Variants in MYCT1 observed in about 807,000 individuals in gnomAD.
The protein encoded by MYCT1 is MYC target 1.
MYCT1 carries 12 observed loss-of-function variants against 15.0 expected under a neutral mutation model. The ratio of observed to expected loss-of-function variants is 0.80; its 90% confidence interval spans 0.51 to 1.29. The LOEUF is 1.29. Among genes scored for constraint, MYCT1 ranks in the 50% most tolerant of loss-of-function variants. MYCT1 has a pLI of 0.00. For missense variants in MYCT1, 287 were observed against 279.1 expected (o/e 1.03, Z -0.20); for synonymous variants, 104 against 102.7 (o/e 1.01, Z -0.07).
chr6:152,708,531 AAATC>A (rs1421036708), intron 1 of MYCT1, among the ~76,000 whole-genome samples: 4 of 152,062 alleles, frequency 2.6e-5, no homozygotes, highest in African/African-American at 7.2e-5. Context: ...CTTAAAAACT[AAATC>A]AATCAATCAA....
At chr6:152,729,537 C>A (rs1334846248), downstream of MYCT1, among the ~76,000 whole-genome samples, 1 of 152,140 alleles carries the variant, frequency 6.6e-6, no homozygotes, top group Non-Finnish European at 1.5e-5. Flanking sequence ...TGTCTTATCA[C>A]CAAATCATCG....
At chr6:152,708,420 C>T (rs1354479124) in intron 1 of MYCT1, among the ~76,000 whole-genome samples, 4 of 151,768 alleles carry the variant, frequency 2.6e-5, no homozygotes, top group Non-Finnish European at 5.9e-5. Context: ...TGGTGTGTGC[C>T]TGTAGTCTCA....
At chr6:152,727,517 G>T (rs2099725871), downstream of MYCT1, among the ~76,000 whole-genome samples, 1 of 152,234 alleles carries the variant, frequency 6.6e-6, no homozygotes, top group Admixed American at 6.5e-5. Context: ...TGTAGCTATA[G>T]CTTGAGAGTG....
At chr6:152,729,230 C>T (rs1175808784), downstream of MYCT1, among the ~76,000 whole-genome samples, 3 of 152,034 alleles carry the variant, frequency 2.0e-5, no homozygotes, top group Non-Finnish European at 2.9e-5. Context: ...ATGCTAGGCG[C>T]GAATGTTCTT....
chr6:152,716,319 G>GGC (rs1365937630), intron 1 of MYCT1, among the ~76,000 whole-genome samples: 1 of 152,086 alleles, frequency 6.6e-6, no homozygotes, highest in Admixed American at 6.6e-5. Flanking sequence ...GTCAAAAGTA[G>GGC]TTCTATTGCC....
intron 1 of MYCT1, among the ~76,000 whole-genome samples, chr6:152,713,346 T>G (rs1424495551): frequency 6.6e-6 from 1 of 152,140 alleles, no homozygotes; most frequent in Non-Finnish European, 1.5e-5. Flanking sequence ...TGAGTTGCTT[T>G]AAAATTTTTG....
chr6:152,731,785 T>C, the MYCT1 span, among the ~76,000 whole-genome samples: 2 of 150,486 alleles, frequency 1.3e-5, no homozygotes, highest in East Asian at 3.9e-4. Context: ...TATCTCCATG[T>C]TGTCCAGGCT....
chr6:152,730,110 TC>T, the MYCT1 span, among the ~76,000 whole-genome samples: 19 of 152,362 alleles, frequency 1.2e-4, no homozygotes, highest in African/African-American at 4.6e-4. Context: ...TTCTTGGATT[TC>T]AAGATATAAC....
chr6:152,701,684 A>G (rs530279207), intron 1 of MYCT1, among the ~76,000 whole-genome samples: 1 of 152,232 alleles, frequency 6.6e-6, no homozygotes, highest in Admixed American at 6.5e-5. Flanking sequence ...ATTTCTCATC[A>G]GCTTTTGAGA....
the MYCT1 span, among the ~76,000 whole-genome samples, chr6:152,739,360 G>A: frequency 6.6e-6 from 1 of 151,106 alleles, no homozygotes; most frequent in South Asian, 2.1e-4. Context: ...TTTTGCTGTA[G>A]GATTATTTTT....
chr6:152,706,467 T>C (rs536718772), intron 1 of MYCT1, among the ~76,000 whole-genome samples: 1 of 152,196 alleles, frequency 6.6e-6, no homozygotes, highest in Non-Finnish European at 1.5e-5. Flanking sequence ...AAATCAGGAT[T>C]TTGGTGCTTG....
At chr6:152,704,534 T>A (rs965656534) in intron 1 of MYCT1, among the ~76,000 whole-genome samples, 27 of 152,192 alleles carry the variant, frequency 1.8e-4, no homozygotes, top group African/African-American at 6.0e-4. Flanking sequence ...AAGTATACAA[T>A]GTGTAATGAT....
Position 152,706,847 on chromosome 6 carries a change from ATGTG to A in MYCT1, c.196+8773_196+8776del, listed in dbSNP as rs4034690. 6.8e-3 allele frequency among the ~76,000 whole-genome samples: 1,002 copies of A among 148,244 alleles called. 7 individuals carry two copies. Among genetic ancestry groups the A allele is most frequent in the African/African-American group, 0.012 (472 of 40,302 alleles). On this transcript the variant is annotated intron_variant, in intron 1 of 1. Transcript: ENST00000367245. ...AACATTTCCATTATAGAAACCATAT[ATGTG>A]TGTGTGTGTGTGTGTGTGTGTGTAT...
chr6:152,706,930 G>A (rs570200371), intron 1 of MYCT1, among the ~76,000 whole-genome samples: 1 of 151,750 alleles, frequency 6.6e-6, no homozygotes, highest in South Asian at 2.1e-4. Context: ...CACTTAGGTG[G>A]ATTATGTATT....
rs2129071191 is a variant in MYCT1, at chr6:152,724,430, A to C, written c.*2177A>C. 1 of 152,332 alleles carries C rather than the reference A, an allele frequency of 6.6e-6. No individual in the cohort carries two copies. The highest frequency in any genetic ancestry group is 1.9e-4 in the East Asian group (1 of 5,190). 9.4% of individuals were successfully genotyped at this position (152,332 alleles called of 1,614,324 possible). A position where few individuals can be genotyped will look rare whatever the true frequency, so the allele number is the denominator to read the frequency against. On this transcript the variant is annotated 3_prime_UTR_variant, in exon 2 of 2. Transcript: ENST00000367245. ...TTGTTGCTGCACCCTTATCCCAGTT[A>C]TAAGACAGTCAAAATGACTATTTCC...
chr6:152,699,992 T>C (rs1012476173), intron 1 of MYCT1, among the ~76,000 whole-genome samples: 8 of 152,110 alleles, frequency 5.3e-5, no homozygotes, highest in African/African-American at 1.7e-4. Flanking sequence ...GAGTGTTACA[T>C]TGATAAACAT....
the MYCT1 span, among the ~76,000 whole-genome samples, chr6:152,736,086 T>A: frequency 6.6e-6 from 1 of 152,078 alleles, no homozygotes. Flanking sequence ...GAGTCTTACA[T>A]CGTTAAAACC....
intron 1 of MYCT1, among the ~76,000 whole-genome samples, chr6:152,714,299 C>T (rs1420273168): frequency 1.1e-4 from 13 of 123,780 alleles, no homozygotes; most frequent in East Asian, 2.2e-4. Flanking sequence ...TCTATTTTTT[C>T]TTTTTCTTTT....
At chr6:152,709,024 C>A (rs569024604) in intron 1 of MYCT1, among the ~76,000 whole-genome samples, 777 of 18,266 alleles carry the variant, frequency 0.043, 120 homozygotes, top group African/African-American at 0.097. Context: ...CCGACCCCAC[C>A]ACAGTCCCCA....
Sources: allele counts gnomAD v4.1 joint callset (sites outside exome capture counted in the v4.1 genomes callset), GRCh38; gene constraint gnomAD v4.1.1; transcripts MANE v1.5; gene names NCBI Gene and HGNC (gene_info 2026-07-23, HGNC 2026-07-21).